RB1: variants seen among roughly 807,000 people sequenced by gnomAD.
The protein encoded by RB1 is RB transcriptional corepressor 1.
Under a neutral mutation model 135.4 loss-of-function variants are expected in RB1, and 18 were observed. The observed-to-expected ratio is 0.13, with a 90% CI of 0.09 to 0.20. RB1 has a LOEUF of 0.20. Among genes scored for constraint, RB1 ranks in the 10% least tolerant of loss-of-function variants. RB1 has a pLI of 1.00. For missense variants in RB1, 868 were observed against 1,110.0 expected, an observed-to-expected ratio of 0.78 and a Z score of 3.10; for synonymous variants, 365 against 373.2, an observed-to-expected ratio of 0.98 and a Z score of 0.25.
intron 17 of RB1, among the ~76,000 whole-genome samples, chr13:48,392,163 T>A (rs1345388537): frequency 3.9e-5 from 6 of 151,980 alleles, no homozygotes; most frequent in Admixed American, 3.9e-4. Flanking sequence ...CAGGCTGGAG[T>A]GCAGTGGCAT....
At chr13:48,465,502 A>T (rs1429725641) in intron 23 of RB1, 134 bp downstream of exon 23, 1 of 1,002,638 alleles carries the variant, frequency 1.0e-6, no homozygotes, top group Admixed American at 2.2e-5. Context: ...TTTAAGTAAC[A>T]TAATAAGAAT....
intron 5 of RB1, 67 bp downstream of exon 5, chr13:48,347,930 T>C: frequency 1.6e-6 from 2 of 1,222,684 alleles, no homozygotes; most frequent in Non-Finnish European, 2.4e-6. Context: ...ATCTCAAACA[T>C]CTTGATAGTT....
chr13:48,312,977 T>G (rs114515306), intron 2 of RB1, among the ~76,000 whole-genome samples: 2,418 of 152,262 alleles, frequency 0.016, 63 homozygotes, highest in African/African-American at 0.055. Context: ...CCCACCACCA[T>G]TATGAAGAAG....
intron 17 of RB1, among the ~76,000 whole-genome samples, chr13:48,432,116 T>C (rs1426089197): frequency 6.6e-6 from 1 of 152,142 alleles, no homozygotes; most frequent in African/African-American, 2.4e-5. Context: ...CTGTTCTACA[T>C]AGGGAGGTCA....
intron 17 of RB1, among the ~76,000 whole-genome samples, chr13:48,383,658 T>G (rs1241488213): frequency 2.0e-5 from 3 of 152,078 alleles, no homozygotes; most frequent in Non-Finnish European, 4.4e-5. Context: ...GGGAAATTGA[T>G]AGAAGAATGT....
In RB1 at chr13:48,304,021, A is replaced by G. The variant is rs896487590; in HGVS notation, c.109A>G (p.Ser37Gly). The change falls in exon 1 of 27, where the codon AGC (serine) becomes GGC (glycine). Residue 37 changes from serine to glycine, a missense_variant. This residue lies in a region of RB1 where 641 missense variants were observed against 791.3 expected (regional missense o/e 0.81). Coordinates refer to ENST00000267163, the MANE Select transcript of RB1 (RefSeq NM_000321.3). ...TCCTGAGGAGGACCCAGAGCAGGAC[A>G]GCGGCCCGGAGGACCTGCCTCTCGT... is the stretch of plus-strand genomic sequence containing the variant. ...PPPEEDPEQD[S>G]GPEDLPLVRL... 76 of 1,467,818 alleles carry G rather than the reference A, an allele frequency of 5.2e-5. No individual in the cohort carries two copies. The highest frequency in any genetic ancestry group is 6.5e-5 in the Non-Finnish European group (73 of 1,118,216). 90.9% of individuals were successfully genotyped at this position (1,467,818 alleles called of 1,614,324 possible).
chr13:48,326,928 A>C (rs774641582), intron 2 of RB1, among the ~76,000 whole-genome samples: 1 of 152,140 alleles, frequency 6.6e-6, no homozygotes, highest in Admixed American at 6.5e-5. Flanking sequence ...ACAAATTCAC[A>C]AAGTATGTGT....
chr13:48,407,917 G>A (rs940975455), intron 17 of RB1, among the ~76,000 whole-genome samples: 1 of 152,086 alleles, frequency 6.6e-6, no homozygotes, highest in Admixed American at 6.6e-5. Context: ...TTTAGGTGCT[G>A]GAAGGTAGTG....
At chr13:48,396,168 A>AT (rs1948646428) in intron 17 of RB1, among the ~76,000 whole-genome samples, 1 of 152,198 alleles carries the variant, frequency 6.6e-6, no homozygotes, top group African/African-American at 2.4e-5. Flanking sequence ...TATAGAACCT[A>AT]AAAAGAGCCC....
intron 2 of RB1, among the ~76,000 whole-genome samples, chr13:48,313,745 C>CTTTTTTTTTTTTTT (rs56131979): frequency 3.9e-5 from 4 of 101,954 alleles, no homozygotes; most frequent in African/African-American, 7.7e-5. Context: ...TATGTTTATT[C>CTTTTTTTTTTTTTT]TTTTTTTTTT....
At chr13:48,315,179 G>A (rs943698242) in intron 2 of RB1, among the ~76,000 whole-genome samples, 1 of 152,126 alleles carries the variant, frequency 6.6e-6, no homozygotes, top group African/African-American at 2.4e-5. Flanking sequence ...AGCATGGAAT[G>A]TTTTTCCATT....
At chr13:48,305,211 A>G (rs370857634) in intron 1 of RB1, among the ~76,000 whole-genome samples, 1 of 152,048 alleles carries the variant, frequency 6.6e-6, no homozygotes, top group Non-Finnish European at 1.5e-5. Flanking sequence ...ACCCTCACCC[A>G]TTTCTTTCCA....
At chr13:48,365,067 C>T in intron 9 of RB1, 96 bp downstream of exon 9, 1 of 1,379,422 alleles carries the variant, frequency 7.2e-7, no homozygotes. Flanking sequence ...CTGTGTATCA[C>T]ATTTTTTTTT....
chr13:48,451,738 A>ATTTTTTT (rs59115458), intron 17 of RB1, among the ~76,000 whole-genome samples: 1 of 140,146 alleles, frequency 7.1e-6, no homozygotes, highest in Non-Finnish European at 1.6e-5. Flanking sequence ...TGATCCTGGG[A>ATTTTTTT]TTTTTTTTTT....
At chr13:48,436,635 C>G (rs1386459218) in intron 17 of RB1, among the ~76,000 whole-genome samples, 3 of 143,892 alleles carry the variant, frequency 2.1e-5, no homozygotes, top group Non-Finnish European at 3.1e-5. Flanking sequence ...AAGAGCAAGA[C>G]TCTCTCTTAA....
chr13:48,346,392 G>A (rs1210224275), intron 4 of RB1, among the ~76,000 whole-genome samples: 1 of 150,492 alleles, frequency 6.6e-6, no homozygotes, highest in Non-Finnish European at 1.5e-5. Flanking sequence ...GTGTGTGTGT[G>A]TGTGTGTGTG....
At chr13:48,367,464 G>A (rs1312107616) in intron 9 of RB1, 30 bp from the exon 10 acceptor site, 1 of 1,591,198 alleles carries the variant, frequency 6.3e-7, no homozygotes, top group East Asian at 2.3e-5. Context: ...ACATGTAAAG[G>A]ATAATTGTCA....
intron 17 of RB1, among the ~76,000 whole-genome samples, chr13:48,443,547 T>C (rs1593522152): frequency 1.3e-5 from 2 of 152,332 alleles, no homozygotes; most frequent in Non-Finnish European, 2.9e-5. Flanking sequence ...TTAAATGAGG[T>C]AATACATTCA....
intron 12 of RB1, among the ~76,000 whole-genome samples, chr13:48,375,886 T>C (rs1402631706): frequency 2.6e-5 from 4 of 152,030 alleles, no homozygotes; most frequent in African/African-American, 9.7e-5. Context: ...GCCATAATCT[T>C]AATTTTAGAA....
Sources: gnomAD v4.1 joint callset for allele counts (sites outside exome capture counted in the v4.1 genomes callset) on GRCh38, gnomAD v4.1.1 for gene constraint, gnomAD v4.1.1 regional missense constraint, MANE v1.5 for transcripts, NCBI Gene and HGNC (gene_info 2026-07-23, HGNC 2026-07-21) for gene names.